Variants in MAP2 observed in about 807,000 individuals in gnomAD.
The protein encoded by MAP2 is microtubule associated protein 2, also known as microtubule-associated protein 2.
A neutral mutation model predicts 137.6 loss-of-function variants in MAP2; 14 were observed. The observed-to-expected ratio is 0.10, with a 90% CI of 0.07 to 0.16. The LOEUF (loss-of-function observed/expected upper bound fraction) is 0.16, where lower values mean the gene tolerates loss of function less well. Among genes scored for constraint, MAP2 ranks in the 10% least tolerant of loss-of-function variants. The pLI is 1.00. For synonymous variants in MAP2, 786 were observed against 782.3 expected (o/e 1.00, Z -0.08); for missense variants, 2,088 against 2,191.5 (o/e 0.95, Z 0.94).
rs2059423034 is a variant in MAP2 at position 209,693,341 on chromosome 2, C to T, written c.1171C>T (p.Pro391Ser). ...EAPPSEAMTL[P>S]KDAHIPVVEE... Reference sequence around the variant, plus strand: ...ACCACCCTCAGAGGCAATGACCTTACCCAAAGATGCTCACATTCCAGTTGT... The same window carrying T: ...ACCACCCTCAGAGGCAATGACCTTATCCAAAGATGCTCACATTCCAGTTGT... Residue 391 changes from proline to serine, a missense_variant, in exon 8 of 16, where the codon CCC becomes TCC. Physicochemically the swap from Pro to Ser is moderately conservative, Grantham distance 74. Around this residue, in one of 6 missense-constraint regions of MAP2, gnomAD observed 859 missense variants for 794.5 expected, o/e 1.08. Coordinates refer to ENST00000682079, the MANE Select transcript of MAP2 (RefSeq NM_001375505.1). 6.2e-7 allele frequency: 1 copy of T among 1,612,950 alleles called. No individual in the cohort carries two copies. The highest frequency in any genetic ancestry group is 8.5e-7 in the Non-Finnish European group (1 of 1,179,772).
At chr2:209,464,074 A>G (rs1184128555) in intron 1 of MAP2, among the ~76,000 whole-genome samples, 1 of 152,154 alleles carries the variant, frequency 6.6e-6, no homozygotes, top group African/African-American at 2.4e-5. Flanking sequence ...AATTAGCTGT[A>G]TTACTGTATT....
chr2:209,591,021 C>G (rs2079090908), intron 3 of MAP2, among the ~76,000 whole-genome samples: 1 of 152,056 alleles, frequency 6.6e-6, no homozygotes, highest in South Asian at 2.1e-4. Context: ...CTCATAAGAC[C>G]ATTTGGTTTC....
At chr2:209,483,026 A>G (rs2057926212) in intron 1 of MAP2, among the ~76,000 whole-genome samples, 1 of 152,208 alleles carries the variant, frequency 6.6e-6, no homozygotes, top group South Asian at 2.1e-4. Flanking sequence ...ATGTTAACAA[A>G]GCGCTGAGTT....
intron 11 of MAP2, among the ~76,000 whole-genome samples, chr2:209,703,140 T>G (rs1461292823): frequency 6.6e-6 from 1 of 152,068 alleles, no homozygotes; most frequent in African/African-American, 2.4e-5. Flanking sequence ...CTTTTTAGAA[T>G]TCATAACACA....
intron 11 of MAP2, among the ~76,000 whole-genome samples, chr2:209,702,431 A>G (rs948014212): frequency 6.6e-6 from 1 of 151,888 alleles, no homozygotes; most frequent in East Asian, 1.9e-4. Context: ...AATGTTCAGT[A>G]TATCCATCAG....
chr2:209,622,117 T>C (rs1379101800), intron 3 of MAP2, among the ~76,000 whole-genome samples: 1 of 152,214 alleles, frequency 6.6e-6, no homozygotes, highest in Admixed American at 6.6e-5. Context: ...TCTAAAAGGT[T>C]CTGGAAGGTA....
rs769320606 is a variant in MAP2 at position 209,696,251 on chromosome 2, C to G, written c.4081C>G (p.Leu1361Val). The G allele has an allele frequency of 1.9e-6, 3 of 1,613,022 alleles. No individual in the cohort carries two copies. The East Asian group carries it at 6.7e-5, about 36-fold the overall frequency. The change falls in exon 8 of 16, where the codon CTT (leucine) becomes GTT (valine). Residue 1361 changes from leucine to valine, a missense_variant. Physicochemically the swap from Leu to Val is conservative, Grantham distance 32 (BLOSUM62 1). This residue lies in a region of MAP2 where 591 missense variants were observed against 642.6 expected (regional missense o/e 0.92). Transcript: ENST00000682079. ...PASPEREEVA[L>V]SEYKTETYDD... ...TTCCCCTGAGAGAGAAGAGGTTGCA[C>G]TTTCTGAATATAAGACAGAAACCTA... is the stretch of plus-strand genomic sequence containing the variant.
chr2:209,558,236 T>A (rs1281736993), intron 2 of MAP2, among the ~76,000 whole-genome samples: 1 of 152,210 alleles, frequency 6.6e-6, no homozygotes, highest in Non-Finnish European at 1.5e-5. Context: ...TCACCCAGGC[T>A]GGAGTGCAGT....
Position 209,730,174 on chromosome 2 carries a change from T to C in MAP2, c.5269-8T>C. 1 of 1,612,702 alleles carries C rather than the reference T, an allele frequency of 6.2e-7. No individual in the cohort carries two copies. The highest frequency in any genetic ancestry group is 8.5e-7 in the Non-Finnish European group (1 of 1,178,904). On this transcript the variant is annotated splice_region_variant and splice_polypyrimidine_tract_variant and intron_variant, in intron 15 of 15. Coordinates refer to ENST00000682079, the MANE Select transcript of MAP2 (RefSeq NM_001375505.1). ...GAGTTAACGAGGACTGATGCTTGTC[T>C]TAAACAGATTGACAGCCAAAAGTTG...
chr2:209,676,237 C>T (rs2153676460), intron 5 of MAP2, among the ~76,000 whole-genome samples: 1 of 151,882 alleles, frequency 6.6e-6, no homozygotes, highest in African/African-American at 2.4e-5. Flanking sequence ...TGTATTTTGC[C>T]AGGGCATGGA....
chr2:209,577,862 A>G (rs1333488873), intron 2 of MAP2, among the ~76,000 whole-genome samples: 1 of 152,250 alleles, frequency 6.6e-6, no homozygotes, highest in African/African-American at 2.4e-5. Context: ...CAGACTGGAA[A>G]TGAAAGAAAA....
rs762450619 is a variant in MAP2, at chr2:209,696,212, C to G, written c.4042C>G (p.Pro1348Ala). 4 of 1,613,652 alleles carry G rather than the reference C, an allele frequency of 2.5e-6. No homozygotes were observed. In the South Asian group the frequency reaches 3.3e-5, roughly 13 times the overall value. ...EAQAEPKDGSPEAPASPEREE... is the reference protein window; with the variant it reads ...EAQAEPKDGSAEAPASPEREE... ...CCAGGCAGAACCCAAAGATGGTTCC[C>G]CAGAGGCTCCAGCTTCCCCTGAGAG... The change falls in exon 8 of 16, where the codon CCA becomes GCA. Residue 1348 changes from proline (P) to alanine (A), a missense_variant. By Grantham distance (27) the Pro-to-Ala change is conservative. This residue lies in a region of MAP2 where 591 missense variants were observed against 642.6 expected (regional missense o/e 0.92). Transcript: ENST00000682079.
chr2:209,547,217 C>T (rs2068253962), intron 2 of MAP2, among the ~76,000 whole-genome samples: 1 of 152,074 alleles, frequency 6.6e-6, no homozygotes, highest in African/African-American at 2.4e-5. Flanking sequence ...AGAGGGTGGC[C>T]TCTGTGCTAC....
At chr2:209,437,917 A>T (rs1240530764) in intron 1 of MAP2, among the ~76,000 whole-genome samples, 2 of 151,624 alleles carry the variant, frequency 1.3e-5, no homozygotes, top group Non-Finnish European at 3.0e-5. Context: ...AGAATTAGAA[A>T]TGTAACAAGT....
At chr2:209,480,360 AT>A (rs1708421561) in intron 1 of MAP2, among the ~76,000 whole-genome samples, 1 of 152,210 alleles carries the variant, frequency 6.6e-6, no homozygotes, top group Admixed American at 6.5e-5. Context: ...ACAAGGAACA[AT>A]AAGGCCATTG....
chr2:209,462,852 A>G (rs1224930366), intron 1 of MAP2, among the ~76,000 whole-genome samples: 1 of 152,134 alleles, frequency 6.6e-6, no homozygotes, highest in Admixed American at 6.5e-5. Context: ...TTCTCCACTT[A>G]GTTTTAAGAT....
At chr2:209,570,823 T>C (rs1156528089) in intron 2 of MAP2, among the ~76,000 whole-genome samples, 2 of 151,886 alleles carry the variant, frequency 1.3e-5, no homozygotes, top group Non-Finnish European at 3.0e-5. Flanking sequence ...ACGATTACGA[T>C]AGGCCTCAAT....
At chr2:209,669,886 A>G (rs751298611) in intron 5 of MAP2, among the ~76,000 whole-genome samples, 1 of 151,940 alleles carries the variant, frequency 6.6e-6, no homozygotes, top group Non-Finnish European at 1.5e-5. Flanking sequence ...GGATTTATTC[A>G]AGGTCTCTTT....
chr2:209,431,097 T>C (rs1694144511), intron 1 of MAP2, among the ~76,000 whole-genome samples: 2 of 152,108 alleles, frequency 1.3e-5, no homozygotes, highest in Non-Finnish European at 2.9e-5. Context: ...ATATTGAGAG[T>C]GGTCAATATC....
Sources: gnomAD v4.1 joint callset for allele counts (sites outside exome capture counted in the v4.1 genomes callset) on GRCh38, gnomAD v4.1.1 for gene constraint, gnomAD v4.1.1 regional missense constraint, MANE v1.5 for transcripts, NCBI Gene and HGNC (gene_info 2026-07-23, HGNC 2026-07-21) for gene names.